Variants in SHROOM2 observed in about 807,000 individuals in gnomAD.
SHROOM2 encodes shroom family member 2.
SHROOM2 carries 33 observed loss-of-function variants against 75.9 expected under a neutral mutation model. The observed-to-expected ratio is 0.43, with a 90% CI of 0.33 to 0.58. The LOEUF (loss-of-function observed/expected upper bound fraction) is 0.58, where lower values mean the gene tolerates loss of function less well. SHROOM2 is among the 20% of genes least tolerant of loss of function. The probability of loss-of-function intolerance (pLI) is 0.04; values close to 1 mark genes in which losing one functional copy is unlikely to be tolerated. For synonymous variants in SHROOM2, 655 were observed against 663.6 expected (o/e 0.99, Z 0.20); for missense variants, 1,434 against 1,461.2 (o/e 0.98, Z 0.30).
intron 6 of SHROOM2, among the ~76,000 whole-genome samples, chrX:9,935,363 G>A (rs2084692552): frequency 9.3e-6 from 1 of 107,069 alleles, no homozygotes; most frequent in Non-Finnish European, 1.9e-5. Flanking sequence ...TTAACAGAGA[G>A]GTGGGGAGGT....
intron 1 of SHROOM2, among the ~76,000 whole-genome samples, chrX:9,834,662 A>T (rs1444006728): frequency 4.4e-5 from 4 of 90,506 alleles, no homozygotes; most frequent in African/African-American, 1.5e-4. Flanking sequence ...TTTCTTTGAG[A>T]CAACATCTCA....
rs868586409 is a variant in SHROOM2, at chrX:9,803,624, C to G, written c.165+16914C>G. On this transcript the variant is annotated intron_variant, in intron 1 of 9. Coordinates refer to ENST00000380913, the MANE Select transcript of SHROOM2 (RefSeq NM_001649.4). ...TGCCACACACTACCAGATTCAGGAGCCTCTCCTGTCTTCCTGGGAAGGTGG... is the reference window on the plus strand; with the variant it reads ...TGCCACACACTACCAGATTCAGGAGGCTCTCCTGTCTTCCTGGGAAGGTGG... 8.1e-5 allele frequency among the ~76,000 whole-genome samples: 9 copies of G among 111,783 alleles called. No individual in the cohort carries two copies. In the South Asian group the frequency reaches 3.4e-3, roughly 42 times the overall value.
chrX:9,859,379 T>C (rs975247208), intron 1 of SHROOM2, among the ~76,000 whole-genome samples: 3 of 112,354 alleles, frequency 2.7e-5, no homozygotes, highest in African/African-American at 9.7e-5. Context: ...AGCTTTTGTA[T>C]AGGAAGGGAA....
intron 5 of SHROOM2, among the ~76,000 whole-genome samples, chrX:9,911,437 G>A (rs904599277): frequency 3.6e-5 from 4 of 112,476 alleles, no homozygotes; most frequent in Non-Finnish European, 7.5e-5. Context: ...ATGAGCAAGA[G>A]TTGGAAGTAA....
chrX:9,906,852 T>C (rs1017125271), intron 5 of SHROOM2, among the ~76,000 whole-genome samples: 6 of 112,666 alleles, frequency 5.3e-5, no homozygotes, highest in Non-Finnish European at 9.4e-5. Context: ...AGTTCAGAGA[T>C]TGACAAAGTT....
At chrX:9,926,231 G>A (rs939525903) in intron 5 of SHROOM2, among the ~76,000 whole-genome samples, 3 of 112,246 alleles carry the variant, frequency 2.7e-5, no homozygotes, top group African/African-American at 6.5e-5. Flanking sequence ...TAGCTGGCAC[G>A]TGATGGATCC....
chrX:9,895,660 G>C lies in SHROOM2; in HGVS notation c.1752G>C (p.Thr584=), dbSNP rs997161779. The change falls in exon 4 of 10, where the codon ACG becomes ACC. Residue 584 remains threonine (T), a synonymous_variant. Transcript: ENST00000380913. ...GCAGCAGGATCTGCCCGCAGGAGAC[G>C]CCCCTGTTGCACTCCCTGACCCAGG... ...GESSRICPQE[T]PLLHSLTQEG... The C allele has an allele frequency of 8.5e-7, 1 of 1,170,859 alleles. No homozygotes were observed.
chrX:9,865,806 C>T (rs2084133860), intron 1 of SHROOM2, among the ~76,000 whole-genome samples: 1 of 110,129 alleles, frequency 9.1e-6, no homozygotes, highest in Non-Finnish European at 1.9e-5. Flanking sequence ...ATGATTCGCC[C>T]ACCTCACCCT....
At chrX:9,882,894 A>G (rs1286720556) in intron 2 of SHROOM2, among the ~76,000 whole-genome samples, 1 of 112,462 alleles carries the variant, frequency 8.9e-6, no homozygotes, top group African/African-American at 3.2e-5. Flanking sequence ...AGCAGGAACT[A>G]CTTGCCTCTT....
intron 1 of SHROOM2, among the ~76,000 whole-genome samples, chrX:9,857,650 A>T (rs1289736603): frequency 1.8e-5 from 2 of 111,014 alleles, no homozygotes; most frequent in African/African-American, 6.6e-5. Flanking sequence ...TGGCCTCCCA[A>T]AGTGCTGGGA....
chrX:9,786,751 TG>T, intron 1 of SHROOM2, 41 bp downstream of exon 1: 1 of 852,976 alleles, frequency 1.2e-6, no homozygotes. Flanking sequence ...AGCCGGGAGC[TG>T]GCCGCCCTGC....
At chrX:9,915,301 T>C (rs1181517902) in intron 5 of SHROOM2, among the ~76,000 whole-genome samples, 1 of 111,142 alleles carries the variant, frequency 9.0e-6, no homozygotes, top group African/African-American at 3.3e-5. Context: ...GTGGCTGCAC[T>C]GTTTTGCTCA....
chrX:9,798,314 C>G (rs1302686891), intron 1 of SHROOM2, among the ~76,000 whole-genome samples: 2 of 111,896 alleles, frequency 1.8e-5, no homozygotes, highest in East Asian at 5.6e-4. Context: ...AATTCCACAT[C>G]TATTGGTGTT....
chrX:9,873,737 G>A lies in SHROOM2; in HGVS notation c.251G>A (p.Gly84Glu). The change falls in exon 2 of 10, where the codon GGG becomes GAG. Residue 84 changes from glycine to glutamate, a missense_variant. Gly to Glu is a moderately conservative substitution (Grantham distance 98, BLOSUM62 -2). Coordinates refer to ENST00000380913, the MANE Select transcript of SHROOM2 (RefSeq NM_001649.4). ...GGCATCAATGACATTGGTCTCTCAG[G>A]GTTTAGACAGGAAGCGATTTGCCTG... ...IVGINDIGLS[G>E]FRQEAICLVK... The A allele has an allele frequency of 4.1e-6, 5 of 1,211,344 alleles. No homozygotes were observed. Among genetic ancestry groups the A allele is most frequent in the East Asian group, 3.0e-5 (1 of 33,838 alleles).
At chrX:9,871,677 T>A (rs965947257) in intron 1 of SHROOM2, among the ~76,000 whole-genome samples, 5 of 112,231 alleles carry the variant, frequency 4.5e-5, no homozygotes, top group Non-Finnish European at 9.4e-5. Flanking sequence ...AATAATTGCT[T>A]TATTCACAAA....
intron 8 of SHROOM2, among the ~76,000 whole-genome samples, chrX:9,941,971 CAAAAAAAAA>C (rs56088322): frequency 0.019 from 1,019 of 54,448 alleles, 16 homozygotes; most frequent in African/African-American, 0.05. Flanking sequence ...GACTCCGTCT[CAAAAAAAAA>C]AAAAAAAAAA....
intron 1 of SHROOM2, among the ~76,000 whole-genome samples, chrX:9,859,792 TA>T (rs1475925117): frequency 9.0e-6 from 1 of 111,051 alleles, no homozygotes; most frequent in Non-Finnish European, 1.9e-5. Context: ...TGGTGGTGAG[TA>T]GGACTTGATT....
chrX:9,905,528 A>AAGGCC (rs1481759591), intron 5 of SHROOM2, among the ~76,000 whole-genome samples: 1 of 113,050 alleles, frequency 8.8e-6, no homozygotes, highest in African/African-American at 3.2e-5. Context: ...GAGAGTCCAG[A>AAGGCC]AGGCCGGAGG....
chrX:9,886,712 C>T (rs750947519), intron 2 of SHROOM2, among the ~76,000 whole-genome samples: 3 of 109,895 alleles, frequency 2.7e-5, no homozygotes, highest in Admixed American at 9.8e-5. Flanking sequence ...CCTTTTGTAA[C>T]TGTCTAATGT....
Sources: gnomAD v4.1 joint callset for allele counts (sites outside exome capture counted in the v4.1 genomes callset) on GRCh38, gnomAD v4.1.1 for gene constraint, MANE v1.5 for transcripts, NCBI Gene and HGNC (gene_info 2026-07-23, HGNC 2026-07-21) for gene names.